PEDS1: variants seen among roughly 807,000 people sequenced by gnomAD.
PEDS1 encodes the protein plasmanylethanolamine desaturase 1.
PEDS1 carries 14 observed loss-of-function variants against 35.2 expected under a neutral mutation model. That is an observed-to-expected ratio of 0.40 (90% CI 0.26 to 0.62). The LOEUF (loss-of-function observed/expected upper bound fraction) is 0.62. PEDS1 is among the 20% of genes least tolerant of loss of function. The probability of loss-of-function intolerance (pLI) is 0.44; values close to 1 mark genes in which losing one functional copy is unlikely to be tolerated. For synonymous variants in PEDS1, 152 were observed against 152.0 expected (o/e 1.00, Z 0.00); for missense variants, 260 against 367.8 (o/e 0.71, Z 2.40).
At position 50,121,309 on chromosome 20, in the gene PEDS1, A is replaced by T. The variant is rs2081048943; in HGVS notation, c.*3749T>A. ...ACATTTCTCACGTGCCACCTGTCTCACCTCCCTCTCCACAATGGGAGCGTT... is the reference window on the plus strand; with the variant it reads ...ACATTTCTCACGTGCCACCTGTCTCTCCTCCCTCTCCACAATGGGAGCGTT... On this transcript the variant is annotated 3_prime_UTR_variant, in exon 6 of 6. Coordinates refer to ENST00000371652, the MANE Select transcript of PEDS1 (RefSeq NM_199129.4). 6.6e-6 allele frequency: 1 copy of T among 151,738 alleles called. No homozygotes were observed. 9.4% of individuals were successfully genotyped at this position (151,738 alleles called of 1,614,324 possible). A position where few individuals can be genotyped will look rare whatever the true frequency, so the allele number is the denominator to read the frequency against.
At chr20:50,133,279 C>G (rs966495845) in intron 2 of PEDS1, among the ~76,000 whole-genome samples, 4 of 151,746 alleles carry the variant, frequency 2.6e-5, no homozygotes, top group Non-Finnish European at 5.9e-5. Flanking sequence ...ATCACAGGTG[C>G]CAAGCACGGG....
Position 50,120,783 on chromosome 20 carries a change from G to C in PEDS1, c.*4275C>G, listed in dbSNP as rs1435572026. ...GAGCCTGGGAGGTTGAGTCTGCAGT[G>C]AGCGCAGATCATGCCACTGTGTTCC... On this transcript the variant is annotated 3_prime_UTR_variant, in exon 6 of 6. Transcript: ENST00000371652. The C allele has an allele frequency of 6.6e-6, 1 of 152,080 alleles. No homozygotes were observed. Among genetic ancestry groups the C allele is most frequent in the Non-Finnish European group, 1.5e-5 (1 of 68,078 alleles). 9.4% of individuals were successfully genotyped at this position (152,080 alleles called of 1,614,324 possible).
chr20:50,141,386 G>A (rs957398096), intron 2 of PEDS1, among the ~76,000 whole-genome samples: 1 of 152,240 alleles, frequency 6.6e-6, no homozygotes, highest in Non-Finnish European at 1.5e-5. Flanking sequence ...ACTGACCAGC[G>A]AGGCTGAAGT....
At chr20:50,126,440 A>G (rs1253205317) in intron 5 of PEDS1, among the ~76,000 whole-genome samples, 15 of 152,304 alleles carry the variant, frequency 9.8e-5, no homozygotes, top group South Asian at 2.1e-4. Context: ...CAAATTGAGG[A>G]CATGAAAAAG....
rs778410937 is a variant in PEDS1 at position 50,128,153 on chromosome 20, G to A, written c.513C>T (p.Phe171=). 32 of 1,614,000 alleles carry A rather than the reference G, an allele frequency of 2.0e-5. No individual in the cohort carries two copies. Among genetic ancestry groups the A allele is most frequent in the African/African-American group, 1.7e-4 (13 of 74,896 alleles). ...ALEQLYPWEC[F]VFCLIIFGTF... is the part of the protein sequence containing the mutation. ...TGCCGAAGATGATCAGGCAGAAGAC[G>A]AAGCACTCCCAGGGGTATAGCTGCT... The change falls in exon 5 of 6, where the codon TTC becomes TTT. Residue 171 remains phenylalanine (F), a synonymous_variant. Coordinates refer to ENST00000371652, the MANE Select transcript of PEDS1 (RefSeq NM_199129.4). The surrounding 1 kb of genome is among the most constrained non-coding windows in gnomAD (Gnocchi z 5.2).
At chr20:50,149,220 T>A (rs1257791532) in intron 1 of PEDS1, among the ~76,000 whole-genome samples, 2 of 152,096 alleles carry the variant, frequency 1.3e-5, no homozygotes, top group Non-Finnish European at 2.9e-5. Context: ...GGTTCAGCTT[T>A]GGGAGTACAG....
rs1378868040 is a variant in PEDS1 at position 50,143,630 on chromosome 20, A to G, written c.122-9T>C. 2 of 1,613,786 alleles carry G rather than the reference A, an allele frequency of 1.2e-6. No homozygotes were observed. The highest frequency in any genetic ancestry group is 1.1e-5 in the South Asian group (1 of 91,062). On this transcript the variant is annotated splice_polypyrimidine_tract_variant and intron_variant, in intron 1 of 5. Coordinates refer to ENST00000371652, the MANE Select transcript of PEDS1 (RefSeq NM_199129.4). The stretch of plus-strand genomic sequence containing the variant: ...CTCCTGGAGGCGCTTGCCTGCAGGG[A>G]GCAGAGGCGAGAGGTAAAGGCTGGA...
At chr20:50,134,363 TG>T (rs1420211500) in intron 2 of PEDS1, among the ~76,000 whole-genome samples, 16 of 152,294 alleles carry the variant, frequency 1.1e-4, no homozygotes, top group African/African-American at 3.6e-4. Flanking sequence ...CTGGCCAACA[TG>T]GTGAAACCTT....
intron 2 of PEDS1, chr20:50,131,152 A>C: frequency 7.7e-7 from 1 of 1,291,310 alleles, no homozygotes; most frequent in Non-Finnish European, 1.1e-6. Flanking sequence ...GGGAGATGCC[A>C]AGACTCATGT....
At chr20:50,142,690 C>CCT (rs1555884389) in intron 2 of PEDS1, among the ~76,000 whole-genome samples, 1 of 97,418 alleles carries the variant, frequency 1.0e-5, no homozygotes, top group Non-Finnish European at 2.3e-5. Context: ...CCGCCCCCCC[C>CCT]CCCCCGCCCC....
In PEDS1 at chr20:50,128,200, G is replaced by A. The variant is rs761503001; in HGVS notation, c.479-13C>T. The A allele has an allele frequency of 1.2e-6, 2 of 1,613,700 alleles. No individual in the cohort carries two copies. The highest frequency in any genetic ancestry group is 1.1e-5 in the South Asian group (1 of 91,052). On this transcript the variant is annotated splice_polypyrimidine_tract_variant and intron_variant, in intron 4 of 5. Transcript: ENST00000371652. The surrounding 1 kb of genome is among the most constrained non-coding windows in gnomAD (Gnocchi z 5.2). ...TGCTCCAGGGCTTCTGCAGGTTGGG[G>A]AGAGGGGGGGCCGGCACAGCTGTCA...
At position 50,136,741 on chromosome 20, in the gene PEDS1, A is replaced by AC. The variant is rs1211422872; in HGVS notation, c.242-5795_242-5794insG. Among the ~76,000 whole-genome samples the AC allele has an allele frequency of 2.4e-3, 343 of 145,280 alleles. 2 individuals carry two copies. Among genetic ancestry groups the AC allele is most frequent in the Middle Eastern group, 3.8e-3 (1 of 260 alleles). On this transcript the variant is annotated intron_variant, in intron 2 of 5. Transcript: ENST00000371652. ...CTGCCTCAAAAAAAAAAAAAAAAAA[A>AC]AAGAGGGGAGGAAGGCTGGGCGCAT...
At chr20:50,137,661 C>T (rs895965271) in intron 2 of PEDS1, among the ~76,000 whole-genome samples, 5 of 152,074 alleles carry the variant, frequency 3.3e-5, no homozygotes, top group African/African-American at 1.2e-4. Flanking sequence ...TCACAAGGTC[C>T]GGAGATTGAG....
chr20:50,151,206 C>G, intron 1 of PEDS1: 1 of 1,300,192 alleles, frequency 7.7e-7, no homozygotes, highest in South Asian at 1.2e-5. Flanking sequence ...AAGTCTCCTC[C>G]CCTACCTCCA....
At chr20:50,152,176 T>G (rs987956367) in intron 1 of PEDS1, among the ~76,000 whole-genome samples, 1 of 152,066 alleles carries the variant, frequency 6.6e-6, no homozygotes, top group Non-Finnish European at 1.5e-5. Context: ...CCAAGTCAGG[T>G]GTGAAAAATC....
chr20:50,140,248 C>T (rs1388741074), intron 2 of PEDS1, among the ~76,000 whole-genome samples: 1 of 152,262 alleles, frequency 6.6e-6, no homozygotes, highest in Non-Finnish European at 1.5e-5. Context: ...GTCTGGGCCA[C>T]CCTTAGGTCT....
In PEDS1 at chr20:50,133,749, C is replaced by G. The variant is rs542398250; in HGVS notation, c.242-2802G>C. ...AGCCATCCTTCCGGGCAGTTGCTCT[C>G]GCTCACATCTCCCTGCTTCATTTCT... On this transcript the variant is annotated intron_variant, in intron 2 of 5. Coordinates refer to ENST00000371652, the MANE Select transcript of PEDS1 (RefSeq NM_199129.4). 2.6e-4 allele frequency among the ~76,000 whole-genome samples: 40 copies of G among 152,356 alleles called. No individual in the cohort carries two copies. In the Middle Eastern group the frequency reaches 0.01, roughly 39 times the overall value.
At position 50,136,520 on chromosome 20, in the gene PEDS1, C is replaced by T. The variant is rs6095778; in HGVS notation, c.242-5573G>A. Among the ~76,000 whole-genome samples, 1,407 of 151,856 alleles carry T rather than the reference C, an allele frequency of 9.3e-3. 22 individuals carry two copies. The highest frequency in any genetic ancestry group is 0.032 in the African/African-American group (1,329 of 41,330). ...GATGGATCACTTGAGTTCAGGAGTT[C>T]GAGACCAGCATGGCCAACATGGTGA... On this transcript the variant is annotated intron_variant, in intron 2 of 5. Coordinates refer to ENST00000371652, the MANE Select transcript of PEDS1 (RefSeq NM_199129.4).
intron 3 of PEDS1, among the ~76,000 whole-genome samples, chr20:50,130,422 C>G (rs938429462): frequency 6.6e-6 from 1 of 152,144 alleles, no homozygotes; most frequent in African/African-American, 2.4e-5. Context: ...TCTGTCGGTC[C>G]TACTGGATGC....
Sources: gnomAD v4.1 joint callset for allele counts (sites outside exome capture counted in the v4.1 genomes callset) on GRCh38, gnomAD v4.1.1 for gene constraint, Gnocchi (gnomAD v3.1) non-coding constraint, MANE v1.5 for transcripts, NCBI Gene and HGNC (gene_info 2026-07-23, HGNC 2026-07-21) for gene names.